The following MRPS23 variants were observed in gnomAD, a reference collection of about 807,000 sequenced individuals.
MRPS23 encodes mitochondrial ribosomal protein S23, also known as small ribosomal subunit protein mS23.
Under a neutral mutation model 19.8 loss-of-function variants are expected in MRPS23, and 14 were observed. That is an observed-to-expected ratio of 0.71 (90% CI 0.47 to 1.11). The LOEUF (loss-of-function observed/expected upper bound fraction) is 1.11, where lower values mean the gene tolerates loss of function less well. Among genes scored for constraint, MRPS23 ranks in the 50% least tolerant of loss-of-function variants. The pLI, the probability that MRPS23 is intolerant of heterozygous loss-of-function variation, is 0.00. For synonymous variants in MRPS23, 113 were observed against 89.7 expected (o/e 1.26, Z -1.47); for missense variants, 242 against 236.7 (o/e 1.02, Z -0.15).
chr17:57,838,209 G>C lies in MRPS23; in HGVS notation c.*1574C>G, dbSNP rs2073717998. The C allele has an allele frequency of 7.2e-6, 1 of 139,596 alleles. No homozygotes were observed. The highest frequency in any genetic ancestry group is 1.5e-5 in the Non-Finnish European group (1 of 66,026). The allele number at this position is 139,596 out of a possible 1,614,324, so 8.6% of individuals were successfully genotyped here. ...GGAGGCTGAGGCAGAAGAACTGCTT[G>C]AACCTGGGAGGCGGAGGTTGCAGTG... On this transcript the variant is annotated 3_prime_UTR_variant, in exon 5 of 5. Coordinates refer to ENST00000313608, the MANE Select transcript of MRPS23 (RefSeq NM_016070.4).
chr17:57,849,815 G>A (rs985129371), intron 1 of MRPS23, 152 bp downstream of exon 1: 4 of 888,534 alleles, frequency 4.5e-6, no homozygotes, highest in Non-Finnish European at 6.7e-6. Flanking sequence ...TTCGGAGCCA[G>A]GAGAAAACAT....
chr17:57,849,416 G>A lies in MRPS23; in HGVS notation c.45-6C>T. 1 of 1,613,182 alleles carries A rather than the reference G, an allele frequency of 6.2e-7. No homozygotes were observed. The highest frequency in any genetic ancestry group is 8.5e-7 in the Non-Finnish European group (1 of 1,179,804). On this transcript the variant is annotated splice_region_variant and splice_polypyrimidine_tract_variant and intron_variant, in intron 1 of 4. Coordinates refer to ENST00000313608, the MANE Select transcript of MRPS23 (RefSeq NM_016070.4). ...CCCGAACCAGGTCCCGAGTCCTTAGGGAGGGAACAGAACGAAACTGGGTCA... is the reference window on the plus strand; with the variant it reads ...CCCGAACCAGGTCCCGAGTCCTTAGAGAGGGAACAGAACGAAACTGGGTCA...
intron 4 of MRPS23, chr17:57,840,663 T>A: frequency 3.2e-6 from 1 of 309,390 alleles, no homozygotes; most frequent in East Asian, 5.4e-5. Flanking sequence ...AATAAATAAA[T>A]AAAATAAAAA....
chr17:57,844,604 CA>C (rs35491122), intron 2 of MRPS23, among the ~76,000 whole-genome samples: 69,760 of 122,198 alleles, frequency 0.57, 18,301 homozygotes, highest in East Asian at 0.8. Context: ...CCTGAAAATA[CA>C]AAAAAAAAAA....
chr17:57,846,497 AAGAG>A (rs904909578), intron 2 of MRPS23, among the ~76,000 whole-genome samples: 1 of 152,242 alleles, frequency 6.6e-6, no homozygotes, highest in Non-Finnish European at 1.5e-5. Flanking sequence ...GGGGAAAAGA[AAGAG>A]AGATCAGATT....
At position 57,836,930 on chromosome 17, in the gene MRPS23, T is replaced by TC. The variant is rs2073709768; in HGVS notation, c.*2852_*2853insG. On this transcript the variant is annotated 3_prime_UTR_variant, in exon 5 of 5. Coordinates refer to ENST00000313608, the MANE Select transcript of MRPS23 (RefSeq NM_016070.4). ...CTGACCTCAGGTGATCCGCCCACCT[T>TC]GGCCTCCCAAAGTGCTGGGATTACA... 3.3e-5 allele frequency: 5 copies of TC among 152,186 alleles called. No individual in the cohort carries two copies. Among genetic ancestry groups the TC allele is most frequent in the Admixed American group, 3.3e-4 (5 of 15,260 alleles). 9.4% of individuals were successfully genotyped at this position (152,186 alleles called of 1,614,324 possible). A position where few individuals can be genotyped will look rare whatever the true frequency, so the allele number is the denominator to read the frequency against.
In MRPS23 at chr17:57,836,676, T is replaced by TG. The variant is rs2073707904; in HGVS notation, c.*3106_*3107insC. 1 of 107,358 alleles carries TG rather than the reference T, an allele frequency of 9.3e-6. No homozygotes were observed. The highest frequency in any genetic ancestry group is 2.9e-5 in the African/African-American group (1 of 34,818). The allele number at this position is 107,358 out of a possible 1,614,324, so 6.7% of individuals were successfully genotyped here. On this transcript the variant is annotated 3_prime_UTR_variant, in exon 5 of 5. Coordinates refer to ENST00000313608, the MANE Select transcript of MRPS23 (RefSeq NM_016070.4). ...TGTAGTCCCAACTCGATTTTAAGAT[T>TG]TTTTTTTTTTTTTTTTTGAGACAGG...
rs763033855 is a variant in MRPS23, at chr17:57,839,925, C to G, written c.431G>C (p.Gly144Ala). ...TTCGGATTTCCGGGAAACGTGACTA[C>G]CTCCGTGTTGCTTAAAAGACCAGAT... ...RVGEARTQHGGSHVSRKSEHL... is the reference protein window; with the variant it reads ...RVGEARTQHGASHVSRKSEHL... Residue 144 changes from glycine to alanine, a missense_variant, in exon 5 of 5, where the codon GGT (glycine) becomes GCT (alanine). Gly to Ala is a moderately conservative substitution (Grantham distance 60, BLOSUM62 0). Transcript: ENST00000313608. 6.2e-6 allele frequency: 10 copies of G among 1,614,050 alleles called. No homozygotes were observed. In the African/African-American group the frequency reaches 1.2e-4, roughly 19 times the overall value.
In MRPS23 at chr17:57,838,411, C is replaced by A. The variant is rs1000103899; in HGVS notation, c.*1372G>T. 1.3e-4 allele frequency: 19 copies of A among 149,366 alleles called. No individual in the cohort carries two copies. The highest frequency in any genetic ancestry group is 1.1e-3 in the Admixed American group (17 of 14,894). The allele number at this position is 149,366 out of a possible 1,614,324, so 9.3% of individuals were successfully genotyped here. On this transcript the variant is annotated 3_prime_UTR_variant, in exon 5 of 5. Transcript: ENST00000313608. ...AAAAAAACATTTTTTAAATATTCAT[C>A]ATTGTGGCAAAAAAAACCTGCCCTT... is the stretch of plus-strand genomic sequence containing the variant.
At position 57,839,688 on chromosome 17, in the gene MRPS23, C is replaced by T. The variant is rs1163789375; in HGVS notation, c.*95G>A. 1.3e-5 allele frequency: 19 copies of T among 1,440,800 alleles called. No individual in the cohort carries two copies. The highest frequency in any genetic ancestry group is 1.7e-5 in the Non-Finnish European group (18 of 1,070,534). The allele number at this position is 1,440,800 out of a possible 1,614,324, so 89.3% of individuals were successfully genotyped here. A position where few individuals can be genotyped will look rare whatever the true frequency, so the allele number is the denominator to read the frequency against. ...AAGGCAAACATAATACCTTAGAGAT[C>T]AAGAAACATTTACACAGTTCAACTG... is the stretch of plus-strand genomic sequence containing the variant. On this transcript the variant is annotated 3_prime_UTR_variant, in exon 5 of 5. Coordinates refer to ENST00000313608, the MANE Select transcript of MRPS23 (RefSeq NM_016070.4).
chr17:57,848,308 TG>T (rs1458479147), intron 2 of MRPS23, among the ~76,000 whole-genome samples: 1 of 151,718 alleles, frequency 6.6e-6, no homozygotes, highest in Non-Finnish European at 1.5e-5. Context: ...GAAGTATTCT[TG>T]CCACTGAGCT....
rs1279605987 is a variant in MRPS23 at position 57,835,227 on chromosome 17, G to GT, written c.*4555_*4556insA. 1 of 152,210 alleles carries GT rather than the reference G, an allele frequency of 6.6e-6. No homozygotes were observed. Among genetic ancestry groups the GT allele is most frequent in the Non-Finnish European group, 1.5e-5 (1 of 68,064 alleles). The allele number at this position is 152,210 out of a possible 1,614,324, so 9.4% of individuals were successfully genotyped here. The stretch of plus-strand genomic sequence containing the variant: ...AGACACCTATCCCTTATCTCTGTCT[G>GT]CCACTTAGATATAGCACCATCACCT... On this transcript the variant is annotated 3_prime_UTR_variant, in exon 5 of 5. Transcript: ENST00000313608.
intron 2 of MRPS23, among the ~76,000 whole-genome samples, chr17:57,848,004 A>C (rs888444731): frequency 6.6e-6 from 1 of 151,668 alleles, no homozygotes; most frequent in African/African-American, 2.4e-5. Flanking sequence ...GCCCAGAAAA[A>C]AAAAATTCTT....
intron 2 of MRPS23, among the ~76,000 whole-genome samples, chr17:57,843,874 T>C (rs1283268262): frequency 6.6e-6 from 1 of 152,244 alleles, no homozygotes; most frequent in African/African-American, 2.4e-5. Flanking sequence ...TGTCATAACA[T>C]TGCAAAGATC....
chr17:57,846,782 G>C (rs1194693131), intron 2 of MRPS23, among the ~76,000 whole-genome samples: 1 of 151,976 alleles, frequency 6.6e-6, no homozygotes, highest in Admixed American at 6.6e-5. Flanking sequence ...CACTGCGGAA[G>C]AACGCAGGGA....
At chr17:57,842,514 C>G (rs923618688) in intron 2 of MRPS23, among the ~76,000 whole-genome samples, 5 of 152,184 alleles carry the variant, frequency 3.3e-5, no homozygotes, top group Non-Finnish European at 7.3e-5. Context: ...CTTTACTACT[C>G]TAAACCATGC....
At position 57,841,252 on chromosome 17, in the gene MRPS23, T is replaced by C; in HGVS notation, c.224A>G (p.Tyr75Cys). 1.9e-6 allele frequency: 3 copies of C among 1,613,378 alleles called. No individual in the cohort carries two copies. The highest frequency in any genetic ancestry group is 1.1e-5 in the South Asian group (1 of 90,916). ...YHEDRIRAKFYSVYGSGQRAF... is the reference protein window; with the variant it reads ...YHEDRIRAKFCSVYGSGQRAF... ...TCTTTGACCAGACCCATACACTGAA[T>C]AAAACTTCCTAGAAAATGCAAACAA... Residue 75 changes from tyrosine to cysteine, a missense_variant, in exon 3 of 5, where the codon TAT (tyrosine) becomes TGT (cysteine). Physicochemically the swap from Tyr to Cys is radical, Grantham distance 194. Transcript: ENST00000313608.
In MRPS23 at chr17:57,835,221, C is replaced by CT. The variant is rs1340592739; in HGVS notation, c.*4561dup. 1.3e-5 allele frequency: 2 copies of CT among 152,276 alleles called. No individual in the cohort carries two copies. Among genetic ancestry groups the CT allele is most frequent in the Non-Finnish European group, 2.9e-5 (2 of 68,074 alleles). 9.4% of individuals were successfully genotyped at this position (152,276 alleles called of 1,614,324 possible). On this transcript the variant is annotated 3_prime_UTR_variant, in exon 5 of 5. Coordinates refer to ENST00000313608, the MANE Select transcript of MRPS23 (RefSeq NM_016070.4). ...CCCTGTAGACACCTATCCCTTATCT[C>CT]TGTCTGCCACTTAGATATAGCACCA...
At chr17:57,842,891 T>TATACACACACAC (rs1172458239) in intron 2 of MRPS23, among the ~76,000 whole-genome samples, 2 of 76,570 alleles carry the variant, frequency 2.6e-5, no homozygotes, top group African/African-American at 5.0e-5. Flanking sequence ...TATATATATA[T>TATACACACACAC]ACACACACAC....
Sources: allele counts gnomAD v4.1 joint callset (sites outside exome capture counted in the v4.1 genomes callset), GRCh38; gene constraint gnomAD v4.1.1; transcripts MANE v1.5; gene names NCBI Gene and HGNC (gene_info 2026-07-23, HGNC 2026-07-21).